The following KLF8 variants were observed in gnomAD, a reference collection of about 807,000 sequenced individuals.
The protein encoded by KLF8 is KLF transcription factor 8.
Under a neutral mutation model 18.2 loss-of-function variants are expected in KLF8, and 10 were observed. The observed-to-expected ratio is 0.55, with a 90% CI of 0.34 to 0.93. The LOEUF is 0.93. Among genes scored for constraint, KLF8 ranks in the 40% least tolerant of loss-of-function variants. The pLI is 0.02. For missense variants in KLF8, 264 were observed against 277.9 expected, an observed-to-expected ratio of 0.95 and a Z score of 0.36; for synonymous variants, 109 against 97.3, an observed-to-expected ratio of 1.12 and a Z score of -0.71.
At chrX:56,039,699 C>T in the KLF8 span, among the ~76,000 whole-genome samples, 1 of 111,604 alleles carries the variant, frequency 9.0e-6, no homozygotes, top group Non-Finnish European at 1.9e-5. Flanking sequence ...TTAGGATTGT[C>T]TTGTCTATTT....
the KLF8 span, among the ~76,000 whole-genome samples, chrX:56,080,919 C>G: frequency 1.8e-5 from 2 of 110,794 alleles, no homozygotes; most frequent in African/African-American, 6.6e-5. Context: ...TCACTGATAC[C>G]CTTTCTTCCA....
chrX:56,070,245 T>A, the KLF8 span, among the ~76,000 whole-genome samples: 1 of 109,458 alleles, frequency 9.1e-6, no homozygotes, highest in East Asian at 2.9e-4. Flanking sequence ...CTGGGGCCTG[T>A]CGGGGTGTTA....
chrX:55,999,695 A>G, the KLF8 span, among the ~76,000 whole-genome samples: 1 of 111,327 alleles, frequency 9.0e-6, no homozygotes, highest in Non-Finnish European at 1.9e-5. Context: ...AATTGTGCAT[A>G]TTGATTTTTA....
chrX:56,097,957 T>C, the KLF8 span, among the ~76,000 whole-genome samples: 29 of 110,539 alleles, frequency 2.6e-4, no homozygotes, highest in African/African-American at 9.2e-4. Flanking sequence ...AAATTTCATA[T>C]TGAGATTTGA....
At chrX:56,181,085 G>A in the KLF8 span, among the ~76,000 whole-genome samples, 1 of 111,265 alleles carries the variant, frequency 9.0e-6, no homozygotes, top group African/African-American at 3.3e-5. Flanking sequence ...CATTATTGTT[G>A]TGTGGGAGTC....
the KLF8 span, among the ~76,000 whole-genome samples, chrX:56,090,772 G>T: frequency 9.0e-6 from 1 of 111,444 alleles, no homozygotes; most frequent in African/African-American, 3.3e-5. Flanking sequence ...CAACACCCAT[G>T]CATCTCCCAG....
At chrX:55,993,343 T>C in the KLF8 span, among the ~76,000 whole-genome samples, 1 of 112,266 alleles carries the variant, frequency 8.9e-6, no homozygotes, top group African/African-American at 3.2e-5. Context: ...ATTTTCTATG[T>C]CTGTTGAGAT....
chrX:56,115,408 A>G, the KLF8 span, among the ~76,000 whole-genome samples: 1 of 112,220 alleles, frequency 8.9e-6, no homozygotes, highest in African/African-American at 3.2e-5. Flanking sequence ...ACATCTGGAA[A>G]GGAGCATCTG....
At chrX:56,127,081 G>T in the KLF8 span, among the ~76,000 whole-genome samples, 2 of 110,240 alleles carry the variant, frequency 1.8e-5, no homozygotes, top group Non-Finnish European at 3.8e-5. Context: ...AATTTTTCAG[G>T]CCTCCATTCA....
chrX:56,040,042 A>G, the KLF8 span, among the ~76,000 whole-genome samples: 1 of 111,009 alleles, frequency 9.0e-6, no homozygotes, highest in Non-Finnish European at 1.9e-5. Context: ...TTATTGGTGC[A>G]TAGGAATAGT....
chrX:56,242,236 G>C (rs1264014550), intron 1 of KLF8, among the ~76,000 whole-genome samples: 1 of 112,222 alleles, frequency 8.9e-6, no homozygotes, highest in East Asian at 2.8e-4. Context: ...ATCAGCGTCT[G>C]AGAGAAGCGC....
the KLF8 span, among the ~76,000 whole-genome samples, chrX:56,162,201 A>T: frequency 8.9e-6 from 1 of 111,986 alleles, no homozygotes; most frequent in Non-Finnish European, 1.9e-5. Flanking sequence ...CCTCCCAGTT[A>T]GGATACTTGG....
the KLF8 span, among the ~76,000 whole-genome samples, chrX:56,160,921 A>G: frequency 9.0e-6 from 1 of 110,754 alleles, no homozygotes; most frequent in Non-Finnish European, 1.9e-5. Flanking sequence ...TGTGAATTTG[A>G]TCCTGTCATT....
In KLF8 at chrX:56,270,381, C is replaced by CACACACACGAGAGAGA. The variant is rs1355621837; in HGVS notation, c.898+60_898+61insACACACACGAGAGAGA. On this transcript the variant is annotated intron_variant, in intron 5 of 5. Transcript: ENST00000468660. ...ACACACACACACACACACACACACA[C>CACACACACGAGAGAGA]GAGAGAGAGAGAGAGAGAGGGGCAG... is the stretch of plus-strand genomic sequence containing the variant. 6 of 778,148 alleles carry CACACACACGAGAGAGA rather than the reference C, an allele frequency of 7.7e-6. No individual in the cohort carries two copies. In the African/African-American group the frequency reaches 3.3e-4, roughly 43 times the overall value. The allele number at this position is 778,148 out of a possible 1,213,427, so 64.1% of individuals were successfully genotyped here.
At chrX:55,937,713 A>C in the KLF8 span, among the ~76,000 whole-genome samples, 34 of 112,800 alleles carry the variant, frequency 3.0e-4, no homozygotes, top group African/African-American at 1.0e-3. Context: ...TGGCATGAGA[A>C]CTACGTGATG....
the KLF8 span, among the ~76,000 whole-genome samples, chrX:55,919,550 C>T: frequency 5.4e-5 from 6 of 111,397 alleles, no homozygotes; most frequent in African/African-American, 2.0e-4. Flanking sequence ...AAGTGAAACC[C>T]GCTTTTAGGA....
rs2067275849 is a variant in KLF8 at position 56,287,015 on chromosome X, G to A, written c.*2521G>A. On this transcript the variant is annotated 3_prime_UTR_variant, in exon 6 of 6. Coordinates refer to ENST00000468660, the MANE Select transcript of KLF8 (RefSeq NM_007250.5). ...CCTGATACTCCTTTTTCAGAGTTCA[G>A]AACTGAACTGCTCCCCTAAGACCTC... 1 of 111,388 alleles carries A rather than the reference G, an allele frequency of 9.0e-6. No homozygotes were observed. The allele number at this position is 111,388 out of a possible 1,213,427, so 9.2% of individuals were successfully genotyped here.
the KLF8 span, among the ~76,000 whole-genome samples, chrX:56,119,968 A>T: frequency 5.6e-5 from 6 of 107,612 alleles, no homozygotes; most frequent in Non-Finnish European, 1.1e-4. Context: ...GCCCTTTTAC[A>T]CTAGCGGAGG....
At chrX:56,192,308 T>C in the KLF8 span, among the ~76,000 whole-genome samples, 2 of 111,394 alleles carry the variant, frequency 1.8e-5, no homozygotes, top group Non-Finnish European at 3.8e-5. Flanking sequence ...AAAACATTGA[T>C]GCAATAAATT....
Sources: gnomAD v4.1 joint callset for allele counts (sites outside exome capture counted in the v4.1 genomes callset) on GRCh38, gnomAD v4.1.1 for gene constraint, MANE v1.5 for transcripts, NCBI Gene and HGNC (gene_info 2026-07-23, HGNC 2026-07-21) for gene names.